Variants in FYN observed in about 807,000 individuals in gnomAD.
FYN encodes the protein tyrosine-protein kinase Fyn.
In FYN, 10 loss-of-function variants were observed where a neutral mutation model predicts 70.2. The observed-to-expected ratio is 0.14, with a 90% CI of 0.09 to 0.24. The LOEUF (loss-of-function observed/expected upper bound fraction) is 0.24, where lower values mean the gene tolerates loss of function less well. Ranked by LOEUF, FYN falls within the 10% of genes least tolerant of loss-of-function variation. The probability of loss-of-function intolerance (pLI) is 1.00; values close to 1 mark genes in which losing one functional copy is unlikely to be tolerated. For missense variants in FYN, 319 were observed against 673.1 expected (o/e 0.47, Z 5.82); for synonymous variants, 236 against 248.6 (o/e 0.95, Z 0.48).
chr6:111,741,615 CA>C (rs5879126), intron 3 of FYN, among the ~76,000 whole-genome samples: 68,555 of 151,864 alleles, frequency 0.45, 15,684 homozygotes, highest in East Asian at 0.62. Context: ...AAAATGGTGA[CA>C]ACAGCTGGCT....
At chr6:111,825,118 T>A (rs1772791868) in intron 2 of FYN, among the ~76,000 whole-genome samples, 1 of 152,168 alleles carries the variant, frequency 6.6e-6, no homozygotes, top group African/African-American at 2.4e-5. Flanking sequence ...CAGGCCTTGC[T>A]GGGATCTTTT....
At chr6:111,712,708 C>A (rs1406307055) in intron 5 of FYN, among the ~76,000 whole-genome samples, 1 of 152,160 alleles carries the variant, frequency 6.6e-6, no homozygotes, top group African/African-American at 2.4e-5. Flanking sequence ...ACATCAGGAG[C>A]CTTCAATGAA....
At position 111,772,256 on chromosome 6, in the gene FYN, C is replaced by T. The variant is rs73766726; in HGVS notation, c.-12+8310G>A. On this transcript the variant is annotated intron_variant, in intron 3 of 13. Transcript: ENST00000354650. ...ACCATCAAGGAAATGGCTAGAAAAC[C>T]ATCACTGCAAAAATATGAAGGCCCA... Among the ~76,000 whole-genome samples the T allele has an allele frequency of 7.0e-3, 1,062 of 152,092 alleles. 10 individuals carry two copies. Among genetic ancestry groups the T allele is most frequent in the African/African-American group, 0.024 (990 of 41,462 alleles).
intron 13 of FYN, among the ~76,000 whole-genome samples, chr6:111,670,680 G>A (rs1016741677): frequency 2.0e-5 from 3 of 149,864 alleles, no homozygotes; most frequent in South Asian, 2.1e-4. Flanking sequence ...AAGGGAAGCC[G>A]TGGACGTTTT....
At chr6:111,826,616 CTT>C (rs1262717075) in intron 2 of FYN, among the ~76,000 whole-genome samples, 5 of 152,148 alleles carry the variant, frequency 3.3e-5, no homozygotes, top group South Asian at 2.1e-4. Context: ...AAAAGTTCCT[CTT>C]TGTTACATTT....
chr6:111,669,328 G>T (rs1408179553), intron 13 of FYN, among the ~76,000 whole-genome samples: 9 of 151,522 alleles, frequency 5.9e-5, no homozygotes, highest in Non-Finnish European at 1.0e-4. Context: ...CCAGCTTCTT[G>T]GGAGGCTGAG....
At chr6:111,827,856 T>C (rs1772889167) in intron 2 of FYN, among the ~76,000 whole-genome samples, 1 of 152,104 alleles carries the variant, frequency 6.6e-6, no homozygotes, top group Admixed American at 6.5e-5. Flanking sequence ...GGGGAAACGG[T>C]GGATTCTGAA....
rs1617340 is a variant in FYN, at chr6:111,692,104, C to G, written c.1273+2271G>C. On this transcript the variant is annotated intron_variant, in intron 12 of 13. Transcript: ENST00000354650. Reference sequence around the variant, plus strand: ...ACCTGCCTTGCCAAGCTTCATTTCCCCCCCCCCCAGTTCAGCTCTCCAGTT... The same window carrying G: ...ACCTGCCTTGCCAAGCTTCATTTCCGCCCCCCCCAGTTCAGCTCTCCAGTT... Among the ~76,000 whole-genome samples the G allele has an allele frequency of 2.7e-3, 391 of 146,000 alleles. 4 individuals are homozygous for G. Among genetic ancestry groups the G allele is most frequent in the African/African-American group, 6.8e-3 (274 of 40,332 alleles).
At chr6:111,753,428 G>T (rs1185590816) in intron 3 of FYN, among the ~76,000 whole-genome samples, 1 of 152,188 alleles carries the variant, frequency 6.6e-6, no homozygotes, top group Non-Finnish European at 1.5e-5. Context: ...GTCTCAGGAG[G>T]CCTAAAATGG....
intron 3 of FYN, among the ~76,000 whole-genome samples, chr6:111,764,216 C>CAAAAAAAAAAAAAAAAAAAAAAGAA (rs11409465): frequency 1.7e-5 from 1 of 58,378 alleles, no homozygotes; most frequent in Non-Finnish European, 2.8e-5. Context: ...TTTTGTCAAG[C>CAAAAAAAAAAAAAAAAAAAAAAGAA]AAAAAAAAAA....
intron 1 of FYN, among the ~76,000 whole-genome samples, chr6:111,870,236 TCTA>T (rs1774233285): frequency 6.6e-6 from 1 of 152,204 alleles, no homozygotes; most frequent in Non-Finnish European, 1.5e-5. Context: ...GTGTGCCCCG[TCTA>T]CTCTCTGTTG....
chr6:111,849,159 G>C (rs1264549484), intron 1 of FYN, among the ~76,000 whole-genome samples: 1 of 152,172 alleles, frequency 6.6e-6, no homozygotes, highest in African/African-American at 2.4e-5. Context: ...TGTTTCGTTT[G>C]AGAAACATAA....
chr6:111,869,595 T>G (rs142601486), intron 1 of FYN, among the ~76,000 whole-genome samples: 38 of 152,296 alleles, frequency 2.5e-4, no homozygotes, highest in Non-Finnish European at 5.1e-4. Context: ...GGTCTCACTA[T>G]GTTGCCCAGG....
At chr6:111,733,388 C>T (rs964507920) in intron 3 of FYN, among the ~76,000 whole-genome samples, 3 of 152,200 alleles carry the variant, frequency 2.0e-5, no homozygotes, top group South Asian at 2.1e-4. Flanking sequence ...GCATCTTCTA[C>T]CTACTACACC....
intron 12 of FYN, among the ~76,000 whole-genome samples, chr6:111,680,774 CAAT>C (rs369146920): frequency 3.3e-5 from 5 of 152,196 alleles, no homozygotes; most frequent in African/African-American, 1.2e-4. Flanking sequence ...TGAATAATAC[CAAT>C]AATTTCGGTA....
chr6:111,690,201 A>G (rs1799255612), intron 12 of FYN, among the ~76,000 whole-genome samples: 1 of 152,100 alleles, frequency 6.6e-6, no homozygotes, highest in Non-Finnish European at 1.5e-5. Flanking sequence ...GGACAAGAAG[A>G]TGGACAGCAG....
intron 3 of FYN, among the ~76,000 whole-genome samples, chr6:111,768,483 A>T (rs1803317752): frequency 6.6e-6 from 1 of 152,222 alleles, no homozygotes; most frequent in Non-Finnish European, 1.5e-5. Context: ...TATACAGTAA[A>T]ATTCTCCCTA....
At chr6:111,747,629 A>C (rs76693641) in intron 3 of FYN, among the ~76,000 whole-genome samples, 17 of 152,122 alleles carry the variant, frequency 1.1e-4, no homozygotes, top group African/African-American at 3.9e-4. Flanking sequence ...GCATTCCCCT[A>C]TCATTGGAAG....
chr6:111,760,504 T>G (rs910687346), intron 3 of FYN, among the ~76,000 whole-genome samples: 2 of 152,184 alleles, frequency 1.3e-5, no homozygotes, highest in African/African-American at 4.8e-5. Flanking sequence ...AAATTTAATG[T>G]GTGTTATGCA....
Sources: allele counts gnomAD v4.1 joint callset (sites outside exome capture counted in the v4.1 genomes callset), GRCh38; gene constraint gnomAD v4.1.1; transcripts MANE v1.5; gene names NCBI Gene and HGNC (gene_info 2026-07-23, HGNC 2026-07-21).